Variants in GLIS3 observed in about 807,000 individuals in gnomAD.
GLIS3 encodes the protein zinc finger protein GLIS3.
GLIS3 carries 53 observed loss-of-function variants against 78.6 expected under a neutral mutation model. The observed-to-expected ratio is 0.67, with a 90% CI of 0.54 to 0.85. GLIS3 has a LOEUF of 0.85. Ranked by LOEUF, GLIS3 falls within the 40% of genes least tolerant of loss-of-function variation. The pLI, the probability that GLIS3 is intolerant of heterozygous loss-of-function variation, is 0.00. For synonymous variants in GLIS3, 684 were observed against 509.9 expected, an observed-to-expected ratio of 1.34 and a Z score of -4.60; for missense variants, 1,703 against 1,231.1, an observed-to-expected ratio of 1.38 and a Z score of -5.74.
intron 2 of GLIS3, among the ~76,000 whole-genome samples, chr9:4,269,085 C>A (rs936965531): frequency 9.8e-5 from 15 of 152,308 alleles, no homozygotes; most frequent in African/African-American, 3.6e-4. Context: ...AGCTTTCTCA[C>A]ACGACACAGA....
intron 6 of GLIS3, among the ~76,000 whole-genome samples, chr9:3,913,142 G>C (rs940177404): frequency 2.0e-5 from 3 of 152,172 alleles, no homozygotes; most frequent in African/African-American, 7.2e-5. Flanking sequence ...AGTGTGGGGA[G>C]GGACTCACTG....
At chr9:4,049,255 C>T (rs1050502378) in intron 4 of GLIS3, among the ~76,000 whole-genome samples, 9 of 152,196 alleles carry the variant, frequency 5.9e-5, no homozygotes, top group African/African-American at 1.9e-4. Context: ...TACAACCATA[C>T]TGGTTGGTAA....
chr9:4,373,665 CTT>C, the GLIS3 span, among the ~76,000 whole-genome samples: 1,495 of 148,336 alleles, frequency 0.01, 38 homozygotes, highest in African/African-American at 0.035. Flanking sequence ...ACATAATTTT[CTT>C]TTCTTTTTTT....
At chr9:4,054,428 A>C (rs1825970473) in intron 4 of GLIS3, 1 of 985,330 alleles carries the variant, frequency 1.0e-6, no homozygotes, top group Admixed American at 6.1e-5. Flanking sequence ...GGTTACAAAC[A>C]CTTTGGCGAG....
At chr9:4,055,409 T>C (rs1476491431) in intron 4 of GLIS3, among the ~76,000 whole-genome samples, 1 of 152,184 alleles carries the variant, frequency 6.6e-6, no homozygotes, top group Non-Finnish European at 1.5e-5. Context: ...GCCCCTTTAC[T>C]GAACTCTTTC....
rs1199278289 is a variant in GLIS3 at position 3,987,773 on chromosome 9, A to AG, written c.1711-50585_1711-50584insC. Among the ~76,000 whole-genome samples, 3 of 142,870 alleles carry AG rather than the reference A, an allele frequency of 2.1e-5. No homozygotes were observed. The Admixed American group carries it at 2.2e-4, about 10-fold the overall frequency. The allele number at this position is 142,870 out of a possible 152,430, so 93.7% of individuals were successfully genotyped here. ...TCCCTGGATTTGGCAAAAAAAAAAA[A>AG]AAAAAAAAAAAAAAACAAAACACAA... On this transcript the variant is annotated intron_variant, in intron 4 of 10. Coordinates refer to ENST00000381971, the MANE Select transcript of GLIS3 (RefSeq NM_001042413.2).
chr9:3,829,912 T>C (rs566084925), intron 9 of GLIS3, among the ~76,000 whole-genome samples: 2 of 152,334 alleles, frequency 1.3e-5, no homozygotes, highest in East Asian at 3.9e-4. Flanking sequence ...TCTTGCAGAA[T>C]GCTCTTAAAA....
intron 4 of GLIS3, among the ~76,000 whole-genome samples, chr9:3,955,479 C>T (rs1412304665): frequency 6.6e-6 from 1 of 152,128 alleles, no homozygotes; most frequent in Non-Finnish European, 1.5e-5. Context: ...GGATGGCCTG[C>T]TTCAAGAGGC....
the GLIS3 span, among the ~76,000 whole-genome samples, chr9:4,355,767 C>A: frequency 1.1e-4 from 16 of 152,154 alleles, no homozygotes; most frequent in South Asian, 6.2e-4. Flanking sequence ...GCCATAGACC[C>A]TTTTCACCAA....
intron 8 of GLIS3, among the ~76,000 whole-genome samples, chr9:3,877,949 G>A (rs1821427374): frequency 6.6e-6 from 1 of 151,932 alleles, no homozygotes; most frequent in South Asian, 2.1e-4. Context: ...CAGGATAAGG[G>A]GCAAATTCCT....
At chr9:4,259,369 G>A (rs773530893) in intron 2 of GLIS3, among the ~76,000 whole-genome samples, 1 of 151,992 alleles carries the variant, frequency 6.6e-6, no homozygotes, top group Non-Finnish European at 1.5e-5. Context: ...ACATATGGGG[G>A]ATTGAAAACA....
chr9:4,206,969 C>A (rs563142068), intron 2 of GLIS3, among the ~76,000 whole-genome samples: 2 of 152,258 alleles, frequency 1.3e-5, no homozygotes, highest in African/African-American at 4.8e-5. Flanking sequence ...CATTCGTACT[C>A]ACTGACGCCA....
At chr9:3,915,626 C>G (rs1475420840) in intron 6 of GLIS3, among the ~76,000 whole-genome samples, 1 of 152,174 alleles carries the variant, frequency 6.6e-6, no homozygotes, top group African/African-American at 2.4e-5. Context: ...GCTCAGCGGT[C>G]TGCTGTGTCT....
At chr9:4,338,221 G>A (rs549592889) in intron 2 of GLIS3, among the ~76,000 whole-genome samples, 146 of 152,282 alleles carry the variant, frequency 9.6e-4, no homozygotes, top group Non-Finnish European at 2.9e-4. Context: ...TGTGTTGGCA[G>A]TGTTGGACTA....
At chr9:4,370,816 A>G in the GLIS3 span, among the ~76,000 whole-genome samples, 1 of 152,112 alleles carries the variant, frequency 6.6e-6, no homozygotes, top group Non-Finnish European at 1.5e-5. Flanking sequence ...AAAAGAAAAC[A>G]GCAGACCTGC....
intron 3 of GLIS3, among the ~76,000 whole-genome samples, chr9:4,123,180 TAA>T: frequency 6.6e-6 from 1 of 152,154 alleles, no homozygotes; most frequent in Non-Finnish European, 1.5e-5. Flanking sequence ...ATATTGTCAA[TAA>T]TTAAGAATGC....
At chr9:4,224,360 C>T (rs1311375476) in intron 2 of GLIS3, among the ~76,000 whole-genome samples, 2 of 152,122 alleles carry the variant, frequency 1.3e-5, no homozygotes, top group African/African-American at 2.4e-5. Context: ...GTCATCTGGC[C>T]GTCTCACTGG....
the GLIS3 span, among the ~76,000 whole-genome samples, chr9:4,398,290 A>G: frequency 3.9e-5 from 6 of 152,034 alleles, no homozygotes; most frequent in East Asian, 1.2e-3. Flanking sequence ...TACTCAAAAT[A>G]TGATCCCTGA....
intron 2 of GLIS3, among the ~76,000 whole-genome samples, chr9:4,187,477 G>C (rs1004762048): frequency 6.6e-6 from 1 of 152,052 alleles, no homozygotes; most frequent in Non-Finnish European, 1.5e-5. Context: ...TTGGCGATGT[G>C]GGCTCTTTTT....
Sources: allele counts gnomAD v4.1 joint callset (sites outside exome capture counted in the v4.1 genomes callset), GRCh38; gene constraint gnomAD v4.1.1; transcripts MANE v1.5; gene names NCBI Gene and HGNC (gene_info 2026-07-23, HGNC 2026-07-21).